Variants in NAV2 observed in about 807,000 individuals in gnomAD.
NAV2 encodes helicase, APC down-regulated 1.
In NAV2, 54 loss-of-function variants were observed where a neutral mutation model predicts 223.2. The ratio of observed to expected loss-of-function variants is 0.24; its 90% CI spans 0.19 to 0.30. The LOEUF (loss-of-function observed/expected upper bound fraction) is 0.30. Ranked by LOEUF, NAV2 falls within the 10% of genes least tolerant of loss-of-function variation. The pLI is 1.00. For missense variants in NAV2, 2,806 were observed against 3,147.5 expected (o/e 0.89, Z 2.60); for synonymous variants, 1,279 against 1,239.3 (o/e 1.03, Z -0.67).
intron 12 of NAV2, among the ~76,000 whole-genome samples, chr11:20,042,274 C>A (rs1192287479): frequency 6.6e-6 from 1 of 152,154 alleles, no homozygotes; most frequent in African/African-American, 2.4e-5. Flanking sequence ...AGGCTGAGAT[C>A]GGATAAGATA....
At chr11:19,594,428 C>CT (rs77892048) in intron 1 of NAV2, among the ~76,000 whole-genome samples, 291 of 135,828 alleles carry the variant, frequency 2.1e-3, no homozygotes, top group Middle Eastern at 4.0e-3. Flanking sequence ...ACTTCGGGGA[C>CT]TTTTTTTTTT....
At chr11:19,687,676 G>A (rs984674966) in intron 1 of NAV2, among the ~76,000 whole-genome samples, 1 of 152,178 alleles carries the variant, frequency 6.6e-6, no homozygotes, top group Non-Finnish European at 1.5e-5. Context: ...ATGAACACAA[G>A]ATGTACTAAA....
Position 19,682,007 on chromosome 11 carries a change from G to A in NAV2, c.76-150477G>A, listed in dbSNP as rs947269294. On this transcript the variant is annotated intron_variant, in intron 1 of 37. Transcript: ENST00000360655. ...AGTCACATGATCTGATCAAGCAGCT[G>A]AGAGAGAGCAAGCCACAGAGTGGAC... 7.2e-5 allele frequency among the ~76,000 whole-genome samples: 11 copies of A among 152,114 alleles called. 1 individual carries two copies. The highest frequency in any genetic ancestry group is 2.7e-4 in the African/African-American group (11 of 41,420).
At chr11:20,063,566 G>C (rs1429604014) in intron 20 of NAV2, among the ~76,000 whole-genome samples, 1 of 151,966 alleles carries the variant, frequency 6.6e-6, no homozygotes, top group Non-Finnish European at 1.5e-5. Flanking sequence ...GTAGAGACGG[G>C]ATTTCACCAT....
chr11:19,533,645 C>T (rs969415755), intron 1 of NAV2, among the ~76,000 whole-genome samples: 1 of 152,050 alleles, frequency 6.6e-6, no homozygotes, highest in Non-Finnish European at 1.5e-5. Flanking sequence ...TGCACTTTCT[C>T]TACCCCCACC....
Position 20,078,010 on chromosome 11 carries a change from G to A in NAV2, c.5085G>A (p.Glu1695=), listed in dbSNP as rs778297323. The change falls in exon 24 of 38, where the codon GAG becomes GAA. Residue 1695 remains glutamate, a synonymous_variant. Transcript: ENST00000349880. ...TTCCCTAGGACTCAGAACTGAATGA[G>A]TTAAGAAAAACCATTGAGCTGCTAA... The part of the protein sequence containing the change: ...TAEQKDSELN[E]LRKTIELLKK... 6.2e-7 allele frequency: 1 copy of A among 1,613,578 alleles called. No individual in the cohort carries two copies. The highest frequency in any genetic ancestry group is 1.1e-5 in the South Asian group (1 of 90,940).
chr11:19,626,132 C>A (rs966730966), intron 1 of NAV2, among the ~76,000 whole-genome samples: 1 of 152,070 alleles, frequency 6.6e-6, no homozygotes, highest in Non-Finnish European at 1.5e-5. Flanking sequence ...TGAAGCATTT[C>A]CCTTATATTT....
intron 1 of NAV2, among the ~76,000 whole-genome samples, chr11:19,509,307 A>C (rs569697077): frequency 3.5e-4 from 54 of 152,262 alleles, no homozygotes; most frequent in African/African-American, 1.1e-3. Context: ...GTGCATGCGC[A>C]TGCAAGTGCA....
intron 1 of NAV2, among the ~76,000 whole-genome samples, chr11:19,721,956 G>A (rs1191054668): frequency 6.6e-6 from 1 of 152,214 alleles, no homozygotes. Flanking sequence ...AAAGATATAT[G>A]TGCACGTCTT....
intron 1 of NAV2, among the ~76,000 whole-genome samples, chr11:19,774,256 A>T (rs1458593867): frequency 6.6e-6 from 1 of 152,222 alleles, no homozygotes; most frequent in Non-Finnish European, 1.5e-5. Context: ...AGCTCATTGC[A>T]GCCTTGAACT....
At chr11:19,726,081 T>A (rs535934692) in intron 1 of NAV2, among the ~76,000 whole-genome samples, 11 of 152,224 alleles carry the variant, frequency 7.2e-5, no homozygotes, top group Non-Finnish European at 1.3e-4. Context: ...GCAGACAGGG[T>A]GCTTATTTTA....
intron 6 of NAV2, among the ~76,000 whole-genome samples, chr11:19,912,929 C>A (rs918535581): frequency 6.6e-6 from 1 of 152,196 alleles, no homozygotes; most frequent in Non-Finnish European, 1.5e-5. Flanking sequence ...GCATTCCTGG[C>A]TGCTATTTTA....
At chr11:19,477,694 G>A (rs1010652511) in intron 1 of NAV2, among the ~76,000 whole-genome samples, 12 of 152,162 alleles carry the variant, frequency 7.9e-5, no homozygotes, top group Non-Finnish European at 8.8e-5. Flanking sequence ...GATGGCTGAA[G>A]GTTTACCTGA....
intron 1 of NAV2, among the ~76,000 whole-genome samples, chr11:19,647,182 G>T (rs146046971): frequency 1.3e-5 from 2 of 152,168 alleles, no homozygotes; most frequent in Admixed American, 1.3e-4. Flanking sequence ...GGCCTGAGAG[G>T]ATGTGGCTGA....
At chr11:19,858,706 T>C (rs894357675) in intron 3 of NAV2, among the ~76,000 whole-genome samples, 11 of 152,212 alleles carry the variant, frequency 7.2e-5, no homozygotes, top group Non-Finnish European at 1.6e-4. Flanking sequence ...TGCAACTCAA[T>C]AGAAGAGACT....
At chr11:19,867,895 C>T (rs2062193216) in intron 3 of NAV2, among the ~76,000 whole-genome samples, 4 of 152,198 alleles carry the variant, frequency 2.6e-5, no homozygotes, top group Admixed American at 2.0e-4. Context: ...CAAATTAGAG[C>T]TCCTAAGTGT....
At chr11:19,570,528 CATATATCTGGTAAGTCTAGTATTCAGA>C (rs1290934930) in intron 1 of NAV2, among the ~76,000 whole-genome samples, 1 of 152,138 alleles carries the variant, frequency 6.6e-6, no homozygotes, top group Non-Finnish European at 1.5e-5. Context: ...ATTTGCAAAT[CATATATCTGGTAAGTCTAGTATTCAGA>C]ATATATCAAA....
At position 19,873,198 on chromosome 11, in the gene NAV2, CACT is replaced by C. The variant is rs1565470954; in HGVS notation, c.511+4203_511+4205del. Among the ~76,000 whole-genome samples the C allele has an allele frequency of 2.6e-5, 4 of 152,278 alleles. No individual in the cohort carries two copies. In the South Asian group the frequency reaches 8.3e-4, roughly 32 times the overall value. On this transcript the variant is annotated intron_variant, in intron 4 of 37. Transcript: ENST00000349880. ...CCTGTATGCCAGGCCCAGTGCTAGG[CACT>C]AGGGTACACCAGTGATCAAGCCAGT...
chr11:19,671,385 T>A (rs2048567386), intron 1 of NAV2, among the ~76,000 whole-genome samples: 1 of 152,218 alleles, frequency 6.6e-6, no homozygotes, highest in African/African-American at 2.4e-5. Flanking sequence ...CAGCTAGGAA[T>A]ATGTCTTGTT....
Sources: gnomAD v4.1 joint callset for allele counts (sites outside exome capture counted in the v4.1 genomes callset) on GRCh38, gnomAD v4.1.1 for gene constraint, MANE v1.5 for transcripts, NCBI Gene and HGNC (gene_info 2026-07-23, HGNC 2026-07-21) for gene names.